The following SAMD12 variants were observed in gnomAD, a reference collection of about 807,000 sequenced individuals.
SAMD12 encodes sterile alpha motif domain containing 12, also known as sterile alpha motif domain-containing protein 12.
SAMD12 carries 9 observed loss-of-function variants against 15.0 expected under a neutral mutation model. That is an observed-to-expected ratio of 0.60 (90% CI 0.36 to 1.05). SAMD12 has a LOEUF of 1.05. SAMD12 is among the 50% of genes least tolerant of loss of function. The probability of loss-of-function intolerance (pLI) is 0.01; values close to 1 mark genes in which losing one functional copy is unlikely to be tolerated. For missense variants in SAMD12, 230 were observed against 234.2 expected (o/e 0.98, Z 0.12); for synonymous variants, 86 against 90.1 (o/e 0.96, Z 0.25).
intron 4 of SAMD12, among the ~76,000 whole-genome samples, chr8:118,215,660 T>C (rs933641353): frequency 2.7e-5 from 4 of 145,650 alleles, no homozygotes; most frequent in South Asian, 2.3e-4. Context: ...TTCCCCTTCC[T>C]GTGTCCACGT....
intron 1 of SAMD12, among the ~76,000 whole-genome samples, chr8:118,588,240 T>A (rs1319641972): frequency 1.3e-5 from 2 of 152,118 alleles, no homozygotes; most frequent in East Asian, 3.8e-4. Context: ...TGTGTTGACA[T>A]AAAAATACAA....
intron 4 of SAMD12, among the ~76,000 whole-genome samples, chr8:118,220,444 C>T (rs1812058738): frequency 6.6e-6 from 1 of 152,162 alleles, no homozygotes; most frequent in African/African-American, 2.4e-5. Context: ...ATTTCAGTTG[C>T]CAGATCCTAG....
chr8:118,244,519 C>A (rs562386999), intron 4 of SAMD12, among the ~76,000 whole-genome samples: 1 of 152,060 alleles, frequency 6.6e-6, no homozygotes, highest in Non-Finnish European at 1.5e-5. Context: ...ATTTGCAGTC[C>A]TTTCCATGGT....
chr8:118,306,868 G>A lies in SAMD12; in HGVS notation c.433+72692C>T, dbSNP rs1016978246. On this transcript the variant is annotated intron_variant, in intron 4 of 4. Coordinates refer to the SAMD12 transcript ENST00000409003. The stretch of plus-strand genomic sequence containing the variant: ...TTATCCTAAGTTTTTGCCTTCTCCT[G>A]TTTATACTTAGAATTGACGTATCCT... Among the ~76,000 whole-genome samples, 7 of 152,080 alleles carry A rather than the reference G, an allele frequency of 4.6e-5. No individual in the cohort carries two copies. In the South Asian group the frequency reaches 8.3e-4, roughly 18 times the overall value.
At chr8:118,599,210 G>A (rs1827795537) in intron 1 of SAMD12, among the ~76,000 whole-genome samples, 1 of 152,160 alleles carries the variant, frequency 6.6e-6, no homozygotes, top group South Asian at 2.1e-4. Flanking sequence ...CTGGCATGGT[G>A]TGCACATCTT....
At chr8:118,521,220 A>G (rs1825380135) in intron 2 of SAMD12, among the ~76,000 whole-genome samples, 2 of 152,112 alleles carry the variant, frequency 1.3e-5, no homozygotes, top group South Asian at 4.1e-4. Flanking sequence ...TCCATCATCC[A>G]GCTGTTATCT....
At chr8:118,603,622 A>C (rs1827917036) in intron 1 of SAMD12, among the ~76,000 whole-genome samples, 1 of 152,174 alleles carries the variant, frequency 6.6e-6, no homozygotes, top group Non-Finnish European at 1.5e-5. Flanking sequence ...AGGAGGATGT[A>C]CTCCATCAAA....
intron 1 of SAMD12, among the ~76,000 whole-genome samples, chr8:118,609,681 C>A (rs1828061662): frequency 6.6e-6 from 1 of 152,204 alleles, no homozygotes; most frequent in East Asian, 1.9e-4. Flanking sequence ...TCCCTTATCA[C>A]CCTATTATTA....
At chr8:118,392,045 T>C (rs888341291) in intron 3 of SAMD12, among the ~76,000 whole-genome samples, 5 of 152,170 alleles carry the variant, frequency 3.3e-5, no homozygotes, top group African/African-American at 9.7e-5. Context: ...CTGTCTAGGA[T>C]TGCATTTCTT....
At chr8:118,274,527 A>G (rs1009306049) in intron 4 of SAMD12, among the ~76,000 whole-genome samples, 4 of 152,214 alleles carry the variant, frequency 2.6e-5, no homozygotes, top group Non-Finnish European at 5.9e-5. Context: ...CTTAACATAG[A>G]GAAAACTGTA....
At chr8:118,259,818 C>G (rs191004359) in intron 4 of SAMD12, among the ~76,000 whole-genome samples, 17 of 152,170 alleles carry the variant, frequency 1.1e-4, no homozygotes, top group Admixed American at 9.8e-4. Flanking sequence ...CACAAAACCA[C>G]CGTTCTTTAG....
At chr8:118,465,244 C>A (rs1244855770) in intron 2 of SAMD12, among the ~76,000 whole-genome samples, 1 of 152,176 alleles carries the variant, frequency 6.6e-6, no homozygotes, top group Non-Finnish European at 1.5e-5. Context: ...GTGAGAACCA[C>A]TGAACTGGGA....
At chr8:118,474,605 T>G (rs1451426982) in intron 2 of SAMD12, among the ~76,000 whole-genome samples, 1 of 152,016 alleles carries the variant, frequency 6.6e-6, no homozygotes. Flanking sequence ...CAGGCTGGTC[T>G]TGGACTCCTG....
chr8:118,243,992 A>T (rs986236514), intron 4 of SAMD12, among the ~76,000 whole-genome samples: 1 of 152,128 alleles, frequency 6.6e-6, no homozygotes, highest in Non-Finnish European at 1.5e-5. Context: ...GAAATAAGAG[A>T]TGAAGCCGAG....
At chr8:118,477,087 T>C (rs1196054646) in intron 2 of SAMD12, among the ~76,000 whole-genome samples, 5 of 151,416 alleles carry the variant, frequency 3.3e-5, no homozygotes, top group Non-Finnish European at 7.4e-5. Context: ...TTTTTTTGAG[T>C]TGGAGTCTTG....
intron 2 of SAMD12, among the ~76,000 whole-genome samples, chr8:118,578,869 C>A (rs1171127933): frequency 6.6e-6 from 1 of 152,170 alleles, no homozygotes; most frequent in Non-Finnish European, 1.5e-5. Flanking sequence ...CTCCTTTCAA[C>A]CTCATTTGTT....
At chr8:118,243,364 G>A (rs1478511665) in intron 4 of SAMD12, among the ~76,000 whole-genome samples, 1 of 152,004 alleles carries the variant, frequency 6.6e-6, no homozygotes, top group Non-Finnish European at 1.5e-5. Context: ...CCTTGAAAGA[G>A]CCGAAAAAAT....
At chr8:118,398,795 A>T (rs1309624067) in intron 3 of SAMD12, among the ~76,000 whole-genome samples, 1 of 152,216 alleles carries the variant, frequency 6.6e-6, no homozygotes, top group East Asian at 1.9e-4. Context: ...TTTCACAGGT[A>T]TATTCATAGG....
At chr8:118,478,528 G>T (rs936460114) in intron 2 of SAMD12, among the ~76,000 whole-genome samples, 1 of 152,224 alleles carries the variant, frequency 6.6e-6, no homozygotes, top group Admixed American at 6.5e-5. Context: ...AAGCACATTA[G>T]ATATAGTAAA....
Sources: gnomAD v4.1 joint callset for allele counts (sites outside exome capture counted in the v4.1 genomes callset) on GRCh38, gnomAD v4.1.1 for gene constraint, MANE v1.5 for transcripts, NCBI Gene and HGNC (gene_info 2026-07-23, HGNC 2026-07-21) for gene names.